IL18RAP: variants seen among roughly 807,000 people sequenced by gnomAD.
IL18RAP encodes the protein interleukin 18 receptor accessory protein.
Under a neutral mutation model 58.1 loss-of-function variants are expected in IL18RAP, and 37 were observed. The ratio of observed to expected loss-of-function variants is 0.64; its 90% confidence interval spans 0.49 to 0.84. The LOEUF is 0.84. Ranked by LOEUF, IL18RAP falls within the 40% of genes least tolerant of loss-of-function variation. The pLI, the probability that IL18RAP is intolerant of heterozygous loss-of-function variation, is 0.00. For synonymous variants in IL18RAP, 268 were observed against 257.5 expected (o/e 1.04, Z -0.39); for missense variants, 667 against 704.8 (o/e 0.95, Z 0.61).
chr2:102,452,324 G>A lies in IL18RAP; in HGVS notation c.*143G>A, dbSNP rs1319202486. Reference sequence around the variant, plus strand: ...GCACCAAGCAAGCTTGATGGACAATGGAGTGGGATTGAGACTGTGGTTTAG... The same window carrying A: ...GCACCAAGCAAGCTTGATGGACAATAGAGTGGGATTGAGACTGTGGTTTAG... On this transcript the variant is annotated 3_prime_UTR_variant, in exon 10 of 10. Transcript: ENST00000687160. 1 of 776,370 alleles carries A rather than the reference G, an allele frequency of 1.3e-6. No homozygotes were observed. The highest frequency in any genetic ancestry group is 2.0e-6 in the Non-Finnish European group (1 of 494,074). 48.1% of individuals were successfully genotyped at this position (776,370 alleles called of 1,614,324 possible).
chr2:102,445,346 C>A lies in IL18RAP; in HGVS notation c.1072+6C>A. The A allele has an allele frequency of 1.2e-6, 2 of 1,613,628 alleles. No homozygotes were observed. On this transcript the variant is annotated splice_donor_region_variant and intron_variant, in intron 7 of 9. Coordinates refer to ENST00000687160, the MANE Select transcript of IL18RAP (RefSeq NM_001393487.1). ...ACTGAAAGAAAAGAGAGGAGGTAAG[C>A]CCAGAAGGTTGCCCAGGAGGCATGA...
At chr2:102,451,608 C>A (rs1040300113) in intron 9 of IL18RAP, among the ~76,000 whole-genome samples, 158 bp from the exon 10 acceptor site, 4 of 152,350 alleles carry the variant, frequency 2.6e-5, no homozygotes, top group Middle Eastern at 6.8e-3. Flanking sequence ...TCACTAGACA[C>A]TGGAGCGTAT....
upstream of IL18RAP, among the ~76,000 whole-genome samples, chr2:102,420,279 G>A (rs1681490868): frequency 6.6e-6 from 1 of 152,212 alleles, no homozygotes; most frequent in East Asian, 1.9e-4. Context: ...TCCCAGATGA[G>A]CGTGGTGGCT....
chr2:102,445,164 A>G, intron 6 of IL18RAP, 25 bp from the exon 7 acceptor site: 1 of 1,606,944 alleles, frequency 6.2e-7, no homozygotes, highest in Non-Finnish European at 8.5e-7. Context: ...TACTGAATGG[A>G]GTGGTATTTT....
intron 4 of IL18RAP, among the ~76,000 whole-genome samples, chr2:102,438,408 C>T (rs369685699): frequency 2.0e-5 from 3 of 152,204 alleles, no homozygotes; most frequent in African/African-American, 4.8e-5. Flanking sequence ...CTGCCCCTTG[C>T]ACCCTCTAGC....
chr2:102,447,773 C>G (rs993443915), intron 8 of IL18RAP, among the ~76,000 whole-genome samples: 1 of 151,968 alleles, frequency 6.6e-6, no homozygotes, highest in Non-Finnish European at 1.5e-5. Flanking sequence ...CTCTGTCTCC[C>G]AGGCTGGAGT....
Sources: allele counts gnomAD v4.1 joint callset (sites outside exome capture counted in the v4.1 genomes callset), GRCh38; gene constraint gnomAD v4.1.1; transcripts MANE v1.5; gene names NCBI Gene and HGNC (gene_info 2026-07-23, HGNC 2026-07-21).